Variants in AKR1C8 observed in about 807,000 individuals in gnomAD.
The protein encoded by AKR1C8 is aldo-keto reductase family 1 member C8, also known as aldo-keto reductase family 1 member C-like protein 1.
chr10:5,172,253 C>T, the AKR1C8 span, among the ~76,000 whole-genome samples: 1 of 152,132 alleles, frequency 6.6e-6, no homozygotes, highest in East Asian at 1.9e-4. Context: ...TTTTCCATGA[C>T]CTTCACAGTC....
chr10:5,174,950 TA>T, the AKR1C8 span, among the ~76,000 whole-genome samples: 4 of 152,014 alleles, frequency 2.6e-5, no homozygotes, highest in Non-Finnish European at 5.9e-5. Context: ...AACATTGAAA[TA>T]AAAAACAAGG....
At chr10:5,117,166 G>A in the AKR1C8 span, among the ~76,000 whole-genome samples, 1 of 151,576 alleles carries the variant, frequency 6.6e-6, no homozygotes, top group South Asian at 2.1e-4. Flanking sequence ...GGGTTAAAAG[G>A]TGCTTCCTAA....
the AKR1C8 span, among the ~76,000 whole-genome samples, chr10:5,130,002 AG>A: frequency 6.6e-6 from 1 of 151,974 alleles, no homozygotes; most frequent in African/African-American, 2.4e-5. Flanking sequence ...TGGTGAACAT[AG>A]ATTAAAAAAA....
chr10:5,167,347 C>T, the AKR1C8 span, among the ~76,000 whole-genome samples: 15 of 152,050 alleles, frequency 9.9e-5, no homozygotes, highest in African/African-American at 2.2e-4. Flanking sequence ...ATGTTTATTG[C>T]GGCACTATTC....
At chr10:5,117,156 G>C in the AKR1C8 span, among the ~76,000 whole-genome samples, 4 of 151,314 alleles carry the variant, frequency 2.6e-5, no homozygotes, top group African/African-American at 9.7e-5. Context: ...AACAGGAAAA[G>C]GGTTAAAAGG....
At chr10:5,130,728 G>C in the AKR1C8 span, among the ~76,000 whole-genome samples, 1 of 151,818 alleles carries the variant, frequency 6.6e-6, no homozygotes, top group South Asian at 2.1e-4. Context: ...TCAAAGAGAT[G>C]AAACATCTCT....
the AKR1C8 span, among the ~76,000 whole-genome samples, chr10:5,129,542 A>G: frequency 6.6e-6 from 1 of 152,090 alleles, no homozygotes; most frequent in African/African-American, 2.4e-5. Context: ...AACCAAGAAA[A>G]GGAGAGAAGA....
the AKR1C8 span, chr10:5,123,543 G>T: frequency 1.6e-6 from 1 of 641,820 alleles, no homozygotes. Context: ...AGCGTCTCAA[G>T]TGAGGCCCCT....
At chr10:5,151,782 C>G in the AKR1C8 span, among the ~76,000 whole-genome samples, 1 of 152,238 alleles carries the variant, frequency 6.6e-6, no homozygotes, top group Middle Eastern at 3.4e-3. Flanking sequence ...GTCTTAAACT[C>G]CTGACCTCAG....
chr10:5,168,503 C>T, the AKR1C8 span, among the ~76,000 whole-genome samples: 1 of 152,018 alleles, frequency 6.6e-6, no homozygotes, highest in African/African-American at 2.4e-5. Flanking sequence ...CATTACAAGA[C>T]CTTAAACAAC....
the AKR1C8 span, among the ~76,000 whole-genome samples, chr10:5,119,508 T>A: frequency 0.39 from 59,707 of 152,174 alleles, 12,527 homozygotes; most frequent in Non-Finnish European, 0.43. Flanking sequence ...CTGGAATGGA[T>A]GAATTACACA....
chr10:5,174,642 A>G, the AKR1C8 span, among the ~76,000 whole-genome samples: 1 of 152,042 alleles, frequency 6.6e-6, no homozygotes, highest in Non-Finnish European at 1.5e-5. Context: ...ACAACTTACC[A>G]GGTTTTACAC....
At chr10:5,125,418 T>G in the AKR1C8 span, among the ~76,000 whole-genome samples, 2 of 152,068 alleles carry the variant, frequency 1.3e-5, no homozygotes, top group Non-Finnish European at 2.9e-5. Flanking sequence ...GACATAAACT[T>G]TTGGGAACTC....
chr10:5,171,208 C>T, the AKR1C8 span, among the ~76,000 whole-genome samples: 2 of 151,838 alleles, frequency 1.3e-5, no homozygotes, highest in Admixed American at 6.6e-5. Context: ...CCTGTTAGAG[C>T]TTTATAGCTG....
At chr10:5,169,507 CT>C in the AKR1C8 span, among the ~76,000 whole-genome samples, 1 of 56,942 alleles carries the variant, frequency 1.8e-5, no homozygotes, top group African/African-American at 5.7e-5. Context: ...AGCAGTGTTT[CT>C]TATTAGGCCT....
chr10:5,144,031 C>G, the AKR1C8 span, among the ~76,000 whole-genome samples: 2 of 152,020 alleles, frequency 1.3e-5, no homozygotes, highest in African/African-American at 4.8e-5. Flanking sequence ...AAATTGGTAA[C>G]TCTATATATG....
the AKR1C8 span, among the ~76,000 whole-genome samples, chr10:5,133,876 C>T: frequency 6.6e-6 from 1 of 151,918 alleles, no homozygotes; most frequent in African/African-American, 2.4e-5. Context: ...GACATACACT[C>T]CAAGGATGTA....
the AKR1C8 span, chr10:5,185,097 G>A: frequency 6.2e-5 from 33 of 534,696 alleles, no homozygotes; most frequent in South Asian, 2.8e-4. Flanking sequence ...CTTCAGATCC[G>A]TCATCATCCC....
the AKR1C8 span, among the ~76,000 whole-genome samples, chr10:5,179,956 A>G: frequency 1.3e-5 from 2 of 152,276 alleles, no homozygotes; most frequent in Admixed American, 6.5e-5. Context: ...GATCATCTGA[A>G]GCCTTCTTCT....
Sources: gnomAD v4.1 joint callset for allele counts (sites outside exome capture counted in the v4.1 genomes callset) on GRCh38, gnomAD v4.1.1 for gene constraint, MANE v1.5 for transcripts, NCBI Gene and HGNC (gene_info 2026-07-23, HGNC 2026-07-21) for gene names.